Variants in GMPR2 observed in about 807,000 individuals in gnomAD.
The protein encoded by GMPR2 is GMP reductase 2.
In GMPR2, 32 loss-of-function variants were observed where a neutral mutation model predicts 38.5. The observed-to-expected ratio is 0.83, with a 90% CI of 0.63 to 1.12. The LOEUF (loss-of-function observed/expected upper bound fraction) is 1.12, where lower values mean the gene tolerates loss of function less well. GMPR2 is among the 50% of genes most tolerant of loss of function. The pLI, the probability that GMPR2 is intolerant of heterozygous loss-of-function variation, is 0.00. For synonymous variants in GMPR2, 154 were observed against 151.0 expected, an observed-to-expected ratio of 1.02 and a Z score of -0.15; for missense variants, 396 against 432.1, an observed-to-expected ratio of 0.92 and a Z score of 0.74.
At chr14:24,237,187 C>G (rs369475558) in intron 6 of GMPR2, 35 bp downstream of exon 6, 16 of 1,536,048 alleles carry the variant, frequency 1.0e-5, no homozygotes, top group African/African-American at 2.7e-5. Flanking sequence ...GGCTACCCCC[C>G]TTCAGTGGCA....
chr14:24,233,599 G>A lies in GMPR2; in HGVS notation c.207+1G>A, dbSNP rs1460854528. ...TGAGATGGCCAAGGTTCTCTGTAAG[G>A]TAGGGCTTTCCTCATGCCCCATCCC... is the stretch of plus-strand genomic sequence containing the variant. On this transcript the variant is annotated splice_donor_variant, in intron 3 of 9. Transcript: ENST00000399440. LOFTEE classifies it high-confidence loss of function. The A allele has an allele frequency of 4.3e-6, 7 of 1,614,146 alleles. No individual in the cohort carries two copies. In the Middle Eastern group the frequency reaches 8.2e-4, roughly 190 times the overall value.
Position 24,238,952 on chromosome 14 carries a change from C to T in GMPR2, c.*174C>T, listed in dbSNP as rs1005358043. 33 of 691,366 alleles carry T rather than the reference C, an allele frequency of 4.8e-5. No individual in the cohort carries two copies. The African/African-American group carries it at 5.8e-4, about 12-fold the overall frequency. 42.8% of individuals were successfully genotyped at this position (691,366 alleles called of 1,614,324 possible). A position where few individuals can be genotyped will look rare whatever the true frequency, so the allele number is the denominator to read the frequency against. ...CTTCTCTATCTGCACACACAAAATG[C>T]CCAAGGCACTCACTGGGGAGGAAGC... is the stretch of plus-strand genomic sequence containing the variant. On this transcript the variant is annotated 3_prime_UTR_variant, in exon 10 of 10. Transcript: ENST00000399440.
chr14:24,237,615 C>T (rs1301383502), intron 8 of GMPR2, 53 bp downstream of exon 8: 3 of 1,472,606 alleles, frequency 2.0e-6, no homozygotes, highest in Admixed American at 3.3e-5. Flanking sequence ...GATGAATCAC[C>T]TCTGAGGGTC....
At position 24,238,270 on chromosome 14, in the gene GMPR2, TG is replaced by T. The variant is rs2040443203; in HGVS notation, c.725del (p.Gly242ValfsTer28). 7.4e-6 allele frequency: 12 copies of T among 1,612,946 alleles called. No individual in the cohort carries two copies. Among genetic ancestry groups the T allele is most frequent in the Non-Finnish European group, 1.0e-5 (12 of 1,179,430 alleles). On this transcript the variant is annotated frameshift_variant, in exon 9 of 10. Transcript: ENST00000399440. LOFTEE classifies it high-confidence loss of function. ...GGGGCAGGAGCTGACTTCGTGATGC[TG>T]GGTGGCATGCTGGCTGGGCACAGTG... ...AFGAGADFVM[L>X]GGMLAGHSES...
rs2040152776 is a variant in GMPR2, at chr14:24,233,357, A to G, written c.87+17A>G. 2 of 1,612,952 alleles carry G rather than the reference A, an allele frequency of 1.2e-6. No individual in the cohort carries two copies. The highest frequency in any genetic ancestry group is 2.7e-5 in the African/African-American group (2 of 74,950). ...CGAAGTGAGGTGAGCAAGCTTCTCT[A>G]CTTGCTGTTTCTTGACCCCACGCTC... On this transcript the variant is annotated intron_variant, in intron 2 of 9. Transcript: ENST00000399440.
At chr14:24,236,919 A>G (rs968719837) in intron 5 of GMPR2, 152 bp from the exon 6 acceptor site, 4 of 617,088 alleles carry the variant, frequency 6.5e-6, no homozygotes, top group Admixed American at 2.9e-5. Context: ...TAAAGTGGCT[A>G]GTGTAAAAGC....
intron 1 of GMPR2, 116 bp from the exon 2 acceptor site, chr14:24,233,103 G>A: frequency 7.4e-7 from 1 of 1,352,252 alleles, no homozygotes; most frequent in South Asian, 1.2e-5. Flanking sequence ...AGGCTTCAGG[G>A]ACCACACTTC....
At chr14:24,233,045 G>T (rs1011379689) in intron 1 of GMPR2, 68 bp downstream of exon 1, 7 of 723,362 alleles carry the variant, frequency 9.7e-6, no homozygotes, top group Non-Finnish European at 1.6e-5. Flanking sequence ...AACAGTACCT[G>T]GGATGGAGCC....
chr14:24,234,660 G>A (rs763071353), intron 3 of GMPR2, among the ~76,000 whole-genome samples: 2 of 152,182 alleles, frequency 1.3e-5, no homozygotes, highest in Non-Finnish European at 2.9e-5. Flanking sequence ...TTAGAGATAA[G>A]AGCCAAGTCT....
rs1379617947 is a variant in GMPR2 at position 24,235,758 on chromosome 14, C to T, written c.229C>T (p.His77Tyr). The change falls in exon 4 of 10, where the codon CAT becomes TAT. Residue 77 changes from histidine (H) to tyrosine (Y), a missense_variant. By Grantham distance (83) the His-to-Tyr change is moderately conservative. Coordinates refer to ENST00000399440, the MANE Select transcript of GMPR2 (RefSeq NM_001002002.3). ...CCAGTTCTCTCTCTTCACTGCTGTC[C>T]ATAAGCACTATAGCCTCGTTCAGTG... ...LCKFSLFTAV[H>Y]KHYSLVQWQE... is the part of the protein sequence containing the mutation. 1 of 1,613,088 alleles carries T rather than the reference C, an allele frequency of 6.2e-7. No individual in the cohort carries two copies. Among genetic ancestry groups the T allele is most frequent in the Non-Finnish European group, 8.5e-7 (1 of 1,179,028 alleles).
At chr14:24,232,888 C>T (rs1296569392), upstream of GMPR2, 3 of 386,716 alleles carry the variant, frequency 7.8e-6, no homozygotes, top group Non-Finnish European at 1.4e-5. Flanking sequence ...GAACCCTCCC[C>T]GCCCCCCGTC....
upstream of GMPR2, chr14:24,232,821 C>T (rs1196071761): frequency 8.1e-6 from 2 of 245,904 alleles, no homozygotes; most frequent in Non-Finnish European, 1.6e-5. Flanking sequence ...CTTTGGTCAA[C>T]TGCCGCCTGG....
chr14:24,238,560 G>A (rs2040462092), intron 9 of GMPR2, 29 bp from the exon 10 acceptor site: 1 of 1,614,004 alleles, frequency 6.2e-7, no homozygotes, highest in Non-Finnish European at 8.5e-7. Context: ...TCCAGAAGGA[G>A]AAGATAATAA....
In GMPR2 at chr14:24,232,961, G is replaced by A. The variant is rs1036013742; in HGVS notation, c.-52G>A. 15 of 547,996 alleles carry A rather than the reference G, an allele frequency of 2.7e-5. No individual in the cohort carries two copies. The South Asian group carries it at 2.9e-4, about 11-fold the overall frequency. The allele number at this position is 547,996 out of a possible 1,614,324, so 33.9% of individuals were successfully genotyped here. A position where few individuals can be genotyped will look rare whatever the true frequency, so the allele number is the denominator to read the frequency against. On this transcript the variant is annotated 5_prime_UTR_variant, in exon 1 of 10. Coordinates refer to ENST00000399440, the MANE Select transcript of GMPR2 (RefSeq NM_001002002.3). Reference sequence around the variant, plus strand: ...CCCATTGCTCTTTGCAGGGGTAGAAGAAGGAAGTGTAGCGGGGTAAGGAAT... The same window carrying A: ...CCCATTGCTCTTTGCAGGGGTAGAAAAAGGAAGTGTAGCGGGGTAAGGAAT...
rs2040157307 is a variant in GMPR2 at position 24,233,403 on chromosome 14, A to G, written c.87+63A>G. ...CGCTCCCGGTGGGCCACAACCAAGA[A>G]AGATGCCTGTCCTTGTCCTAATATG... On this transcript the variant is annotated intron_variant, in intron 2 of 9. Transcript: ENST00000399440. 12 of 1,609,882 alleles carry G rather than the reference A, an allele frequency of 7.5e-6. No homozygotes were observed. The South Asian group carries it at 1.2e-4, about 16-fold the overall frequency.
chr14:24,238,026 C>T (rs1037700546), intron 8 of GMPR2: 6 of 532,894 alleles, frequency 1.1e-5, no homozygotes, highest in Non-Finnish European at 1.6e-5. Context: ...AGGGACTCTC[C>T]AGAGGCTCTT....
intron 1 of GMPR2, 76 bp from the exon 2 acceptor site, chr14:24,233,143 C>T (rs1281022676): frequency 5.0e-6 from 8 of 1,600,590 alleles, no homozygotes; most frequent in Admixed American, 1.7e-5. Context: ...ACAACTTAAG[C>T]GAAGAGAGGC....
Position 24,238,725 on chromosome 14 carries a change from A to G in GMPR2, c.994A>G (p.Thr332Ala), listed in dbSNP as rs201207654. ...AKLKELSRRT[T>A]FIRVTQQVNP... Reference sequence around the variant, plus strand: ...GCTCAAAGAGTTGAGCAGGAGAACTACCTTCATCCGAGTCACCCAGCAGGT... The same window carrying G: ...GCTCAAAGAGTTGAGCAGGAGAACTGCCTTCATCCGAGTCACCCAGCAGGT... Residue 332 changes from threonine (T) to alanine (A), a missense_variant, in exon 10 of 10, where the codon ACC (threonine) becomes GCC (alanine). Coordinates refer to ENST00000399440, the MANE Select transcript of GMPR2 (RefSeq NM_001002002.3). The G allele has an allele frequency of 1.9e-5, 30 of 1,613,856 alleles. No individual in the cohort carries two copies. In the Admixed American group the frequency reaches 4.8e-4, roughly 26 times the overall value.
rs2040495621 is a variant in GMPR2, at chr14:24,239,172, A to G, written c.*394A>G. ...CCGCTTCACTAAATTGGACCTTCAC[A>G]TATCTAAAAAGCTCTGAAGTGTTTG... On this transcript the variant is annotated 3_prime_UTR_variant, in exon 10 of 10. Coordinates refer to ENST00000399440, the MANE Select transcript of GMPR2 (RefSeq NM_001002002.3). 7 of 372,386 alleles carry G rather than the reference A, an allele frequency of 1.9e-5. No individual in the cohort carries two copies. Among genetic ancestry groups the G allele is most frequent in the Non-Finnish European group, 3.1e-5 (6 of 191,644 alleles). 23.1% of individuals were successfully genotyped at this position (372,386 alleles called of 1,614,324 possible).
Sources: allele counts gnomAD v4.1 joint callset (sites outside exome capture counted in the v4.1 genomes callset), GRCh38; gene constraint gnomAD v4.1.1; transcripts MANE v1.5; gene names NCBI Gene and HGNC (gene_info 2026-07-23, HGNC 2026-07-21).